Variants in SNAP23 observed in about 807,000 individuals in gnomAD.
SNAP23 encodes the protein synaptosome associated protein 23.
A neutral mutation model predicts 29.0 loss-of-function variants in SNAP23; 11 were observed. The observed-to-expected ratio is 0.38, with a 90% CI of 0.24 to 0.63. The LOEUF (loss-of-function observed/expected upper bound fraction) is 0.63. Ranked by LOEUF, SNAP23 falls within the 20% of genes least tolerant of loss-of-function variation. SNAP23 has a pLI of 0.58. For missense variants in SNAP23, 220 were observed against 253.9 expected, an observed-to-expected ratio of 0.87 and a Z score of 0.91; for synonymous variants, 60 against 82.9, an observed-to-expected ratio of 0.72 and a Z score of 1.50.
intron 5 of SNAP23, among the ~76,000 whole-genome samples, chr15:42,521,017 T>C (rs1595526801): frequency 6.6e-6 from 1 of 152,200 alleles, no homozygotes; most frequent in African/African-American, 2.4e-5. Flanking sequence ...TTTCATTCAG[T>C]GGTTTAGTGC....
intron 1 of SNAP23, among the ~76,000 whole-genome samples, chr15:42,497,835 G>A (rs1022927941): frequency 7.2e-5 from 11 of 152,250 alleles, no homozygotes; most frequent in African/African-American, 2.4e-4. Flanking sequence ...TTCTAAAGAT[G>A]CTATGGGGGA....
intron 1 of SNAP23, among the ~76,000 whole-genome samples, chr15:42,504,450 C>T (rs1231620853): frequency 1.3e-5 from 2 of 152,160 alleles, no homozygotes; most frequent in African/African-American, 4.8e-5. Flanking sequence ...CAAATTTAGC[C>T]TTGCAGATGG....
chr15:42,517,294 G>A (rs1185080450), intron 5 of SNAP23, among the ~76,000 whole-genome samples: 1 of 152,174 alleles, frequency 6.6e-6, no homozygotes, highest in African/African-American at 2.4e-5. Flanking sequence ...AAGTTAAAAT[G>A]TACAGATTAT....
intron 1 of SNAP23, among the ~76,000 whole-genome samples, chr15:42,510,262 GGT>G (rs1356965291): frequency 6.6e-6 from 1 of 151,694 alleles, no homozygotes; most frequent in Admixed American, 6.6e-5. Flanking sequence ...CAACCTCCCC[GGT>G]AGCTGGGACT....
At chr15:42,515,454 C>T (rs1286278834) in intron 5 of SNAP23, 100 bp downstream of exon 5, 1 of 697,418 alleles carries the variant, frequency 1.4e-6, no homozygotes, top group Non-Finnish European at 2.5e-6. Flanking sequence ...TAATGAGGAA[C>T]TCTATTAGAT....
At chr15:42,500,591 T>C (rs1235476210) in intron 1 of SNAP23, among the ~76,000 whole-genome samples, 1 of 152,064 alleles carries the variant, frequency 6.6e-6, no homozygotes, top group Non-Finnish European at 1.5e-5. Flanking sequence ...GGTTTCACCA[T>C]GTTAGCCAGG....
chr15:42,531,281 A>G, intron 7 of SNAP23, 132 bp from the exon 8 acceptor site: 2 of 523,062 alleles, frequency 3.8e-6, no homozygotes, highest in South Asian at 3.9e-5. Context: ...TTCTTGCCCA[A>G]CATGAGTTTT....
intron 5 of SNAP23, chr15:42,521,680 A>G: frequency 8.3e-7 from 1 of 1,205,764 alleles, no homozygotes; most frequent in Non-Finnish European, 1.2e-6. Context: ...CTTGTGGCGC[A>G]GTTTGGGCTG....
chr15:42,494,194 CA>C (rs1158009129), upstream of SNAP23, among the ~76,000 whole-genome samples: 1 of 152,006 alleles, frequency 6.6e-6, no homozygotes, highest in African/African-American at 2.4e-5. Flanking sequence ...CCAAACTTTC[CA>C]AAAGCATTCT....
chr15:42,494,961 C>G (rs1429271489), upstream of SNAP23, among the ~76,000 whole-genome samples: 1 of 152,182 alleles, frequency 6.6e-6, no homozygotes, highest in Non-Finnish European at 1.5e-5. Context: ...ACAAAGTGGT[C>G]TAAAATTCCA....
chr15:42,509,794 C>T (rs921231586), intron 1 of SNAP23, among the ~76,000 whole-genome samples: 6 of 152,148 alleles, frequency 3.9e-5, no homozygotes, highest in African/African-American at 1.2e-4. Flanking sequence ...CAAGGCCAGG[C>T]ACGGTGGCTC....
intron 5 of SNAP23, among the ~76,000 whole-genome samples, chr15:42,527,492 C>T (rs1937970223): frequency 6.6e-6 from 1 of 151,976 alleles, no homozygotes; most frequent in African/African-American, 2.4e-5. Context: ...CTCAAGCAGT[C>T]CTCCCACCTC....
intron 1 of SNAP23, among the ~76,000 whole-genome samples, chr15:42,511,244 A>G (rs2057356170): frequency 6.6e-6 from 1 of 152,246 alleles, no homozygotes; most frequent in Non-Finnish European, 1.5e-5. Context: ...AATATAAGCC[A>G]CTGGAGGGGA....
chr15:42,521,784 T>C (rs1364939740), intron 5 of SNAP23: 1 of 548,320 alleles, frequency 1.8e-6, no homozygotes, highest in Non-Finnish European at 3.2e-6. Flanking sequence ...AACTGTGTGG[T>C]GGTGTGTAGT....
chr15:42,511,156 A>G (rs977720561), intron 1 of SNAP23, among the ~76,000 whole-genome samples: 1 of 152,178 alleles, frequency 6.6e-6, no homozygotes, highest in Non-Finnish European at 1.5e-5. Context: ...TTGGATGTCT[A>G]TGAGATCTCC....
intron 1 of SNAP23, among the ~76,000 whole-genome samples, chr15:42,501,158 G>A (rs2057266628): frequency 6.6e-6 from 1 of 152,092 alleles, no homozygotes; most frequent in Non-Finnish European, 1.5e-5. Context: ...AGGCAGCATA[G>A]CAAAATAAAT....
intron 1 of SNAP23, among the ~76,000 whole-genome samples, chr15:42,500,809 A>C (rs539042557): frequency 6.6e-6 from 1 of 152,286 alleles, no homozygotes; most frequent in Non-Finnish European, 1.5e-5. Flanking sequence ...GTGTTTTTTT[A>C]AATAGTAAGA....
Position 42,532,495 on chromosome 15 carries a change from G to A in SNAP23, c.*1017G>A, listed in dbSNP as rs778364151. 6 of 152,474 alleles carry A rather than the reference G, an allele frequency of 3.9e-5. No homozygotes were observed. In the East Asian group the frequency reaches 9.6e-4, roughly 24 times the overall value. 9.4% of individuals were successfully genotyped at this position (152,474 alleles called of 1,614,324 possible). On this transcript the variant is annotated 3_prime_UTR_variant, in exon 8 of 8. Transcript: ENST00000249647. The stretch of plus-strand genomic sequence containing the variant: ...ATTCAGGAACACTTTATATAAATGA[G>A]TGGCTTTTTATTTCATATTATTAGT...
intron 1 of SNAP23, among the ~76,000 whole-genome samples, chr15:42,507,803 C>A (rs1324279272): frequency 1.3e-5 from 2 of 152,190 alleles, no homozygotes; most frequent in Admixed American, 6.5e-5. Context: ...CTTCCCCTTA[C>A]AATTCTACTT....
Sources: allele counts gnomAD v4.1 joint callset (sites outside exome capture counted in the v4.1 genomes callset), GRCh38; gene constraint gnomAD v4.1.1; transcripts MANE v1.5; gene names NCBI Gene and HGNC (gene_info 2026-07-23, HGNC 2026-07-21).